The following FER1L6 variants were observed in gnomAD, a reference collection of about 807,000 sequenced individuals.
The protein encoded by FER1L6 is fer-1 like family member 6.
FER1L6 carries 177 observed loss-of-function variants against 219.2 expected under a neutral mutation model. That is an observed-to-expected ratio of 0.81 (90% confidence interval 0.71 to 0.91). FER1L6 has a LOEUF of 0.91. Among genes scored for constraint, FER1L6 ranks in the 40% least tolerant of loss-of-function variants. FER1L6 has a pLI of 0.00. For missense variants in FER1L6, 2,153 were observed against 2,259.9 expected (o/e 0.95, Z 0.96); for synonymous variants, 768 against 824.3 (o/e 0.93, Z 1.17).
intron 1 of FER1L6, among the ~76,000 whole-genome samples, chr8:123,908,559 T>C (rs1812997894): frequency 6.6e-6 from 1 of 152,244 alleles, no homozygotes; most frequent in African/African-American, 2.4e-5. Context: ...TGGCTTCTAC[T>C]GGAAAGTTTA....
chr8:124,018,543 T>A (rs1818306407), intron 16 of FER1L6, among the ~76,000 whole-genome samples: 1 of 152,228 alleles, frequency 6.6e-6, no homozygotes, highest in South Asian at 2.1e-4. Context: ...CTTCTTCCTA[T>A]GCTGGCTTTT....
At chr8:124,107,109 C>G (rs1822811994) in intron 39 of FER1L6, among the ~76,000 whole-genome samples, 2 of 151,926 alleles carry the variant, frequency 1.3e-5, no homozygotes, top group Non-Finnish European at 2.9e-5. Flanking sequence ...CCACCAAGCC[C>G]AGCTAATTTT....
intron 1 of FER1L6, among the ~76,000 whole-genome samples, chr8:123,906,790 A>C (rs117231989): frequency 6.8e-6 from 1 of 145,994 alleles, no homozygotes; most frequent in Non-Finnish European, 1.5e-5. Flanking sequence ...GTAATAGAGC[A>C]AGACTTCATC....
chr8:123,905,066 C>G (rs150149767), intron 1 of FER1L6, among the ~76,000 whole-genome samples: 1 of 152,162 alleles, frequency 6.6e-6, no homozygotes, highest in African/African-American at 2.4e-5. Flanking sequence ...ATCTAGGAAA[C>G]TAATTCAATC....
chr8:123,901,766 TG>T (rs1189150232), intron 1 of FER1L6, among the ~76,000 whole-genome samples: 1 of 152,060 alleles, frequency 6.6e-6, no homozygotes, highest in African/African-American at 2.4e-5. Flanking sequence ...TTGCCCAGTT[TG>T]GAGTGCAGTG....
At chr8:124,002,509 C>T in intron 12 of FER1L6, among the ~76,000 whole-genome samples, 1 of 152,192 alleles carries the variant, frequency 6.6e-6, no homozygotes. Context: ...GAGGAATGTT[C>T]ATCTAAATCT....
chr8:123,926,903 T>G (rs1332675562), intron 1 of FER1L6, among the ~76,000 whole-genome samples: 1 of 152,204 alleles, frequency 6.6e-6, no homozygotes, highest in Non-Finnish European at 1.5e-5. Flanking sequence ...CTCTCTCTCC[T>G]AAAATCAGAA....
At chr8:124,001,655 G>C (rs1386856493) in intron 12 of FER1L6, among the ~76,000 whole-genome samples, 1 of 152,084 alleles carries the variant, frequency 6.6e-6, no homozygotes, top group African/African-American at 2.4e-5. Flanking sequence ...AATGAAGAAG[G>C]GAAGAAAAGA....
chr8:124,008,155 C>T (rs961458572), intron 13 of FER1L6, among the ~76,000 whole-genome samples: 1 of 152,214 alleles, frequency 6.6e-6, no homozygotes, highest in Non-Finnish European at 1.5e-5. Flanking sequence ...TTTGCATCCT[C>T]ATAGCTTAGC....
chr8:124,044,352 T>C (rs1172911489), intron 20 of FER1L6, among the ~76,000 whole-genome samples: 1 of 151,922 alleles, frequency 6.6e-6, no homozygotes, highest in Non-Finnish European at 1.5e-5. Flanking sequence ...GTCTCAGACA[T>C]AAAGTACCCT....
intron 39 of FER1L6, among the ~76,000 whole-genome samples, chr8:124,104,488 G>C (rs1216773261): frequency 1.3e-5 from 2 of 152,164 alleles, no homozygotes; most frequent in African/African-American, 2.4e-5. Context: ...ACAGGACAAA[G>C]GACAATGAAA....
intron 1 of FER1L6, among the ~76,000 whole-genome samples, chr8:123,911,057 G>T (rs769156932): frequency 7.2e-5 from 11 of 152,058 alleles, no homozygotes; most frequent in Non-Finnish European, 1.3e-4. Context: ...TGACAGTGAC[G>T]ATTATGATGA....
intron 1 of FER1L6, among the ~76,000 whole-genome samples, chr8:123,867,102 C>G (rs1816850170): frequency 6.6e-6 from 1 of 151,734 alleles, no homozygotes; most frequent in Non-Finnish European, 1.5e-5. Context: ...ATTTTTGTTG[C>G]CTGTGCTCTT....
rs141473117 is a variant in FER1L6 at position 124,006,432 on chromosome 8, T to C, written c.1700+3085T>C. 6.3e-3 allele frequency among the ~76,000 whole-genome samples: 964 copies of C among 152,310 alleles called. 10 individuals are homozygous for C. The highest frequency in any genetic ancestry group is 0.022 in the African/African-American group (918 of 41,554). On this transcript the variant is annotated intron_variant, in intron 13 of 40. Coordinates refer to ENST00000522917, the MANE Select transcript of FER1L6 (RefSeq NM_001039112.2). ...CCATATTGAGGCTCTGTCTATATAG[T>C]GGCAAGCCAGGGAGGCAGCAGCTGA...
intron 2 of FER1L6, among the ~76,000 whole-genome samples, chr8:123,961,239 C>T (rs571536392): frequency 6.6e-6 from 1 of 152,196 alleles, no homozygotes; most frequent in African/African-American, 2.4e-5. Context: ...CAGCTCCAGC[C>T]TGGGCGATAG....
At chr8:124,023,905 T>G (rs1216263347) in intron 18 of FER1L6, among the ~76,000 whole-genome samples, 1 of 151,808 alleles carries the variant, frequency 6.6e-6, no homozygotes, top group East Asian at 1.9e-4. Flanking sequence ...TTAAGGTTTT[T>G]TTTTTTTTTG....
At chr8:123,990,526 CTTT>C (rs1816808404) in intron 12 of FER1L6, among the ~76,000 whole-genome samples, 1 of 152,052 alleles carries the variant, frequency 6.6e-6, no homozygotes, top group Non-Finnish European at 1.5e-5. Context: ...GTATTATCTT[CTTT>C]TGAGAAATGT....
In FER1L6 at chr8:123,864,804, G is replaced by A. The variant is rs556496538; in HGVS notation, c.-8+12619G>A. ...CTGAGGCTTCTGCATTCTTCACGTA[G>A]TTCTCAAGCCTTGGTTTTCAGCTCC... On this transcript the variant is annotated intron_variant, in intron 1 of 40. Transcript: ENST00000522917. Among the ~76,000 whole-genome samples the A allele has an allele frequency of 3.7e-4, 56 of 150,522 alleles. 2 individuals carry two copies. Among genetic ancestry groups the A allele is most frequent in the African/African-American group, 1.4e-3 (54 of 39,900 alleles).
At chr8:123,876,097 C>G (rs1485227509) in intron 1 of FER1L6, among the ~76,000 whole-genome samples, 3 of 152,154 alleles carry the variant, frequency 2.0e-5, no homozygotes, top group African/African-American at 2.4e-5. Context: ...TCTGCAAGGC[C>G]CTCTGCAGTC....
Sources: gnomAD v4.1 joint callset for allele counts (sites outside exome capture counted in the v4.1 genomes callset) on GRCh38, gnomAD v4.1.1 for gene constraint, MANE v1.5 for transcripts, NCBI Gene and HGNC (gene_info 2026-07-23, HGNC 2026-07-21) for gene names.